The following SEMA5A variants were observed in gnomAD, a reference collection of about 807,000 sequenced individuals.
SEMA5A encodes the protein semaphorin-5A.
A neutral mutation model predicts 135.5 loss-of-function variants in SEMA5A; 55 were observed. That is an observed-to-expected ratio of 0.41 (90% CI 0.33 to 0.51). SEMA5A has a LOEUF of 0.51. SEMA5A is among the 20% of genes least tolerant of loss of function. The pLI, the probability that SEMA5A is intolerant of heterozygous loss-of-function variation, is 0.37. For missense variants in SEMA5A, 1,290 were observed against 1,419.9 expected, an observed-to-expected ratio of 0.91 and a Z score of 1.47; for synonymous variants, 580 against 546.5, an observed-to-expected ratio of 1.06 and a Z score of -0.85.
At chr5:9,266,929 T>C (rs1579748648) in intron 5 of SEMA5A, among the ~76,000 whole-genome samples, 1 of 152,236 alleles carries the variant, frequency 6.6e-6, no homozygotes, top group South Asian at 2.1e-4. Context: ...AGGTACAAAA[T>C]GAAGGAGAGA....
At chr5:9,145,641 C>CTTTT (rs36054284) in intron 12 of SEMA5A, among the ~76,000 whole-genome samples, 12 of 117,524 alleles carry the variant, frequency 1.0e-4, no homozygotes, top group Non-Finnish European at 1.4e-4. Flanking sequence ...AAGAAGAAAA[C>CTTTT]TTTTTTTTTT....
chr5:9,539,074 C>G (rs1737933863), intron 1 of SEMA5A, among the ~76,000 whole-genome samples: 1 of 152,148 alleles, frequency 6.6e-6, no homozygotes, highest in African/African-American at 2.4e-5. Context: ...TTACCATTTC[C>G]ATCACCCCCA....
chr5:9,474,911 T>C (rs1405667587), intron 1 of SEMA5A, among the ~76,000 whole-genome samples: 1 of 152,192 alleles, frequency 6.6e-6, no homozygotes, highest in East Asian at 1.9e-4. Flanking sequence ...ATTCTTGTAC[T>C]TTTGGTTCCT....
chr5:9,069,299 A>G (rs1406127068), intron 16 of SEMA5A, among the ~76,000 whole-genome samples: 3 of 152,234 alleles, frequency 2.0e-5, no homozygotes, highest in Non-Finnish European at 4.4e-5. Context: ...AGGACTGGGA[A>G]GCATTGTCTT....
chr5:9,212,447 T>C (rs1470158796), intron 8 of SEMA5A, among the ~76,000 whole-genome samples: 1 of 152,242 alleles, frequency 6.6e-6, no homozygotes, highest in African/African-American at 2.4e-5. Flanking sequence ...TGAAATATAT[T>C]CATTACCAAA....
At chr5:9,295,649 C>A (rs1000657557) in intron 5 of SEMA5A, among the ~76,000 whole-genome samples, 4 of 151,982 alleles carry the variant, frequency 2.6e-5, no homozygotes, top group African/African-American at 9.7e-5. Flanking sequence ...TGGAATGCAC[C>A]AAGGCTGCAG....
rs1265887448 is a variant in SEMA5A, at chr5:9,204,913, G to T, written c.647-2673C>A. Among the ~76,000 whole-genome samples, 1 of 152,122 alleles carries T rather than the reference G, an allele frequency of 6.6e-6. No individual in the cohort carries two copies. Among genetic ancestry groups the T allele is most frequent in the South Asian group, 2.1e-4 (1 of 4,824 alleles). On this transcript the variant is annotated intron_variant, in intron 8 of 22. Coordinates refer to ENST00000382496, the MANE Select transcript of SEMA5A (RefSeq NM_003966.3). The surrounding 1 kb of genome is among the most constrained non-coding windows in gnomAD (Gnocchi z 6.4). ...ACTGTGCATGTGAGGGATCTAAGTT[G>T]TACACATCTTATGAGAATCTAATGC...
chr5:9,122,919 A>G, intron 13 of SEMA5A, 82 bp from the exon 14 acceptor site: 1 of 1,265,120 alleles, frequency 7.9e-7, no homozygotes, highest in Non-Finnish European at 1.1e-6. Context: ...ATCCCTCATA[A>G]GACAATCAAA....
At chr5:9,298,186 G>A (rs1025144267) in intron 5 of SEMA5A, among the ~76,000 whole-genome samples, 2 of 145,668 alleles carry the variant, frequency 1.4e-5, no homozygotes, top group Non-Finnish European at 1.5e-5. Context: ...ATCCATATGT[G>A]TCCTATGAAA....
intron 16 of SEMA5A, among the ~76,000 whole-genome samples, chr5:9,077,998 C>T (rs1386618420): frequency 6.6e-6 from 1 of 152,192 alleles, no homozygotes. Context: ...TCAGTGCTGT[C>T]ACTGGAAATC....
At chr5:9,220,721 A>G (rs1436199385) in intron 8 of SEMA5A, among the ~76,000 whole-genome samples, 1 of 152,230 alleles carries the variant, frequency 6.6e-6, no homozygotes, top group African/African-American at 2.4e-5. Flanking sequence ...CACAGCGTGC[A>G]CTACCTAAGT....
In SEMA5A at chr5:9,054,327, G is replaced by A. The variant is rs963013421; in HGVS notation, c.2519-70C>T. The A allele has an allele frequency of 1.8e-5, 27 of 1,535,930 alleles. No individual in the cohort carries two copies. The East Asian group carries it at 6.3e-4, about 36-fold the overall frequency. On this transcript the variant is annotated intron_variant, in intron 18 of 22. Coordinates refer to ENST00000382496, the MANE Select transcript of SEMA5A (RefSeq NM_003966.3). ...AACCAAGTGAAAGGAGTTACTAAAT[G>A]GAAGCTAAGTGGATTCTGTTTAGTA...
chr5:9,189,401 A>T (rs1744976981), intron 11 of SEMA5A, among the ~76,000 whole-genome samples: 2 of 152,196 alleles, frequency 1.3e-5, no homozygotes, highest in Admixed American at 1.3e-4. Context: ...TCATGAAAAA[A>T]AAAAAAAAAA....
Position 9,306,031 on chromosome 5 carries a change from C to T in SEMA5A, c.270+12341G>A, listed in dbSNP as rs544579085. On this transcript the variant is annotated intron_variant, in intron 5 of 22. Transcript: ENST00000382496. ...ACTGGCTATGGATCTTATTTTTACT[C>T]CTCTGAAGGTTATGTCTTTTTCTGT... 3.2e-4 allele frequency among the ~76,000 whole-genome samples: 49 copies of T among 152,256 alleles called. No individual in the cohort carries two copies. The Middle Eastern group carries it at 0.014, about 42-fold the overall frequency.
chr5:9,062,763 G>C, intron 18 of SEMA5A, 124 bp downstream of exon 18: 1 of 989,034 alleles, frequency 1.0e-6, no homozygotes, highest in Non-Finnish European at 1.5e-6. Context: ...GCATAGCCAA[G>C]ACATTTATTA....
intron 16 of SEMA5A, among the ~76,000 whole-genome samples, chr5:9,095,625 A>G (rs1739275278): frequency 6.6e-6 from 1 of 152,234 alleles, no homozygotes; most frequent in African/African-American, 2.4e-5. Flanking sequence ...TGCCTCAAAA[A>G]TTATTATGTG....
chr5:9,357,799 A>G (rs752594682), intron 3 of SEMA5A, among the ~76,000 whole-genome samples: 5 of 152,208 alleles, frequency 3.3e-5, no homozygotes, highest in Non-Finnish European at 7.3e-5. Flanking sequence ...GGCCATTGGG[A>G]TCTTTCACAT....
intron 4 of SEMA5A, among the ~76,000 whole-genome samples, chr5:9,323,657 C>CT (rs35243676): frequency 0.071 from 7,711 of 108,942 alleles, 777 homozygotes; most frequent in African/African-American, 0.19. Flanking sequence ...TCTTTTTTTC[C>CT]TTTTTTTTTT....
intron 11 of SEMA5A, among the ~76,000 whole-genome samples, chr5:9,178,538 G>T (rs988402419): frequency 7.2e-5 from 11 of 152,044 alleles, no homozygotes; most frequent in Admixed American, 7.2e-4. Context: ...CACCCTGTTT[G>T]CCAGGCTGGT....
Sources: allele counts gnomAD v4.1 joint callset (sites outside exome capture counted in the v4.1 genomes callset), GRCh38; gene constraint gnomAD v4.1.1; non-coding constraint Gnocchi (gnomAD v3.1); transcripts MANE v1.5; gene names NCBI Gene and HGNC (gene_info 2026-07-23, HGNC 2026-07-21).